Variants in CHST9 observed in about 807,000 individuals in gnomAD.
CHST9 encodes GalNAc-4-sulfotransferase 2.
Under a neutral mutation model 44.4 loss-of-function variants are expected in CHST9, and 41 were observed. The observed-to-expected ratio is 0.92, with a 90% CI of 0.72 to 1.20. The LOEUF (loss-of-function observed/expected upper bound fraction) is 1.20, where lower values mean the gene tolerates loss of function less well. CHST9 is among the 50% of genes most tolerant of loss of function. The pLI is 0.00. For missense variants in CHST9, 504 were observed against 516.5 expected (o/e 0.98, Z 0.23); for synonymous variants, 171 against 178.4 (o/e 0.96, Z 0.33).
intron 4 of CHST9, among the ~76,000 whole-genome samples, chr18:27,020,269 C>T (rs1200580015): frequency 6.6e-6 from 1 of 152,184 alleles, no homozygotes; most frequent in Non-Finnish European, 1.5e-5. Flanking sequence ...AGGGAAGTCC[C>T]ACCTGTGGGG....
chr18:27,141,591 CAAAAAA>C (rs34920055), intron 2 of CHST9, among the ~76,000 whole-genome samples: 3 of 50,098 alleles, frequency 6.0e-5, no homozygotes, highest in Admixed American at 2.7e-4. Context: ...AATCCCGACT[CAAAAAA>C]AAAAAAAAAA....
Position 26,915,336 on chromosome 18 carries a change from C to G in CHST9, c.*923G>C, listed in dbSNP as rs1026451289. 1.0e-5 allele frequency: 2 copies of G among 199,434 alleles called. No homozygotes were observed. The allele number at this position is 199,434 out of a possible 1,614,324, so 12.4% of individuals were successfully genotyped here. The stretch of plus-strand genomic sequence containing the variant: ...TGTATTCCACATATAAAGCTATGCA[C>G]ATGATGCTTTGATTCAAATAATATA... On this transcript the variant is annotated 3_prime_UTR_variant, in exon 6 of 6. Transcript: ENST00000618847.
chr18:27,102,616 T>A (rs1203117000), intron 2 of CHST9, among the ~76,000 whole-genome samples: 1 of 152,240 alleles, frequency 6.6e-6, no homozygotes, highest in Non-Finnish European at 1.5e-5. Flanking sequence ...AACGATATTA[T>A]CACCTCAAAA....
intron 5 of CHST9, among the ~76,000 whole-genome samples, chr18:26,918,357 T>A (rs1220652897): frequency 1.3e-5 from 2 of 152,158 alleles, no homozygotes; most frequent in Non-Finnish European, 2.9e-5. Context: ...GTTGTCAGCA[T>A]GTTATTGGAA....
intron 4 of CHST9, among the ~76,000 whole-genome samples, chr18:27,009,033 T>C (rs1045927333): frequency 1.3e-5 from 2 of 152,066 alleles, no homozygotes; most frequent in Admixed American, 1.3e-4. Context: ...TATAGAAATA[T>C]ACCTCTATAG....
chr18:27,137,304 ATGTGTGTGTG>A (rs60705060), intron 2 of CHST9, among the ~76,000 whole-genome samples: 4,505 of 145,420 alleles, frequency 0.031, 145 homozygotes, highest in Admixed American at 0.063. Flanking sequence ...TTATTTATAT[ATGTGTGTGTG>A]TGTGTGTGTG....
intron 5 of CHST9, among the ~76,000 whole-genome samples, chr18:26,939,371 TAAGTC>T (rs2056047960): frequency 6.6e-6 from 1 of 152,132 alleles, no homozygotes; most frequent in Admixed American, 6.6e-5. Flanking sequence ...GAATGGGAAA[TAAGTC>T]TAGGAAGGTG....
intron 1 of CHST9, among the ~76,000 whole-genome samples, chr18:27,161,641 G>A (rs886246617): frequency 6.6e-6 from 1 of 152,066 alleles, no homozygotes; most frequent in Non-Finnish European, 1.5e-5. Flanking sequence ...TTGGTGCAGA[G>A]CTGAGTTCAA....
chr18:27,042,540 C>A (rs1025579368), intron 3 of CHST9, among the ~76,000 whole-genome samples: 1 of 152,104 alleles, frequency 6.6e-6, no homozygotes, highest in African/African-American at 2.4e-5. Flanking sequence ...CTCCAGCAAG[C>A]CACAGCCTAG....
intron 1 of CHST9, among the ~76,000 whole-genome samples, chr18:27,163,135 G>A (rs1186370738): frequency 1.3e-5 from 2 of 152,150 alleles, no homozygotes; most frequent in Non-Finnish European, 2.9e-5. Flanking sequence ...GTGGATATTG[G>A]TGAACAGCAG....
rs929181321 is a variant in CHST9 at position 27,016,783 on chromosome 18, T to A, written c.202+7333A>T. Among the ~76,000 whole-genome samples the A allele has an allele frequency of 6.6e-5, 10 of 152,340 alleles. No individual in the cohort carries two copies. The Middle Eastern group carries it at 0.017, about 259-fold the overall frequency. ...GTTGTGTGTATGTATACATCTATGA[T>A]GACAGATATAGTATGCACATATGAT... On this transcript the variant is annotated intron_variant, in intron 4 of 5. Transcript: ENST00000618847.
chr18:27,081,544 C>T (rs989754641), intron 2 of CHST9, among the ~76,000 whole-genome samples: 7 of 152,084 alleles, frequency 4.6e-5, no homozygotes, highest in Non-Finnish European at 8.8e-5. Flanking sequence ...CCATCCCAAC[C>T]CTCCTAGATG....
Position 26,914,816 on chromosome 18 carries a change from T to C in CHST9, c.*1443A>G, listed in dbSNP as rs2055490025. On this transcript the variant is annotated 3_prime_UTR_variant, in exon 6 of 6. Transcript: ENST00000618847. ...GTTCTTTGAAAGCCATTACTGAATA[T>C]TTACTGATAAGAAAAAAATGATAGC... The C allele has an allele frequency of 5.0e-6, 2 of 396,590 alleles. No individual in the cohort carries two copies. Among genetic ancestry groups the C allele is most frequent in the African/African-American group, 2.1e-5 (1 of 48,658 alleles). 24.6% of individuals were successfully genotyped at this position (396,590 alleles called of 1,614,324 possible).
At chr18:27,169,898 C>G (rs559250896) in intron 1 of CHST9, among the ~76,000 whole-genome samples, 1 of 152,034 alleles carries the variant, frequency 6.6e-6, no homozygotes, top group African/African-American at 2.4e-5. Flanking sequence ...TGAGCCACTG[C>G]GCCTGGCCAG....
At chr18:27,147,354 A>C (rs1358291278) in intron 1 of CHST9, among the ~76,000 whole-genome samples, 1 of 152,158 alleles carries the variant, frequency 6.6e-6, no homozygotes. Flanking sequence ...GGTGTGAGCC[A>C]CCGCACCCAG....
chr18:27,138,387 C>T (rs528698260), intron 2 of CHST9, among the ~76,000 whole-genome samples: 1 of 152,322 alleles, frequency 6.6e-6, no homozygotes, highest in South Asian at 2.1e-4. Context: ...AATGACCTCT[C>T]TCTATGCACT....
chr18:27,184,987 C>A (rs1598789000), intron 1 of CHST9, 149 bp downstream of exon 1: 1 of 152,390 alleles, frequency 6.6e-6, no homozygotes, highest in African/African-American at 2.4e-5. Flanking sequence ...AAGAAGCCTC[C>A]CGCATCTCCA....
At chr18:26,972,312 G>T (rs1461577834) in intron 4 of CHST9, among the ~76,000 whole-genome samples, 1 of 130,298 alleles carries the variant, frequency 7.7e-6, no homozygotes, top group African/African-American at 2.9e-5. Flanking sequence ...AGCCGAGATC[G>T]CACCACTGCA....
chr18:27,167,679 A>C (rs922595097), intron 1 of CHST9, among the ~76,000 whole-genome samples: 1 of 152,240 alleles, frequency 6.6e-6, no homozygotes, highest in African/African-American at 2.4e-5. Context: ...AAAGTGTGAC[A>C]AGTGCTAAAA....
Sources: gnomAD v4.1 joint callset for allele counts (sites outside exome capture counted in the v4.1 genomes callset) on GRCh38, gnomAD v4.1.1 for gene constraint, MANE v1.5 for transcripts, NCBI Gene and HGNC (gene_info 2026-07-23, HGNC 2026-07-21) for gene names.